AKT3: variants seen among roughly 807,000 people sequenced by gnomAD.
The protein encoded by AKT3 is RAC-gamma serine/threonine-protein kinase.
Under a neutral mutation model 65.3 loss-of-function variants are expected in AKT3, and 15 were observed. The observed-to-expected ratio is 0.23, with a 90% CI of 0.15 to 0.35. The LOEUF is 0.35. Among genes scored for constraint, AKT3 ranks in the 10% least tolerant of loss-of-function variants. AKT3 has a pLI of 1.00. For missense variants in AKT3, 243 were observed against 576.5 expected, an observed-to-expected ratio of 0.42 and a Z score of 5.92; for synonymous variants, 206 against 183.8, an observed-to-expected ratio of 1.12 and a Z score of -0.98.
chr1:243,586,691 T>A (rs1396852789), intron 8 of AKT3, among the ~76,000 whole-genome samples: 1 of 152,018 alleles, frequency 6.6e-6, no homozygotes, highest in East Asian at 1.9e-4. Flanking sequence ...CTCATGGACA[T>A]AAATATGGTA....
chr1:243,630,142 G>A (rs867012750), intron 6 of AKT3, among the ~76,000 whole-genome samples: 18 of 152,122 alleles, frequency 1.2e-4, no homozygotes, highest in African/African-American at 4.3e-4. Context: ...TGGAACAGAA[G>A]GTACTGCACC....
chr1:243,798,313 G>A (rs1692159744), intron 2 of AKT3, among the ~76,000 whole-genome samples: 1 of 147,776 alleles, frequency 6.8e-6, no homozygotes, highest in Non-Finnish European at 1.5e-5. Context: ...CTGGACTCAA[G>A]CGATCCTCCC....
At chr1:243,746,927 C>T (rs560178650) in intron 2 of AKT3, among the ~76,000 whole-genome samples, 47 of 152,196 alleles carry the variant, frequency 3.1e-4, no homozygotes, top group Middle Eastern at 3.4e-3. Flanking sequence ...AGGAAAGGAA[C>T]AACTGCAAGC....
intron 10 of AKT3, among the ~76,000 whole-genome samples, chr1:243,560,690 T>C (rs1673715176): frequency 6.6e-6 from 1 of 152,172 alleles, no homozygotes; most frequent in South Asian, 2.1e-4. Flanking sequence ...AAAGAGAAAC[T>C]GATAATTTTG....
chr1:243,492,099 G>T (rs557549154), intron 13 of AKT3, among the ~76,000 whole-genome samples: 1 of 151,994 alleles, frequency 6.6e-6, no homozygotes, highest in Non-Finnish European at 1.5e-5. Flanking sequence ...CTGTTGGCAG[G>T]CTTCATTATT....
chr1:243,659,749 T>A (rs576873188), intron 4 of AKT3, among the ~76,000 whole-genome samples: 1 of 152,164 alleles, frequency 6.6e-6, no homozygotes, highest in South Asian at 2.1e-4. Context: ...GTGAGAGATA[T>A]ACAGATTTAG....
intron 8 of AKT3, among the ~76,000 whole-genome samples, chr1:243,580,255 C>CA (rs1553408404): frequency 6.6e-6 from 1 of 152,140 alleles, no homozygotes; most frequent in Non-Finnish European, 1.5e-5. Flanking sequence ...AGTGAAGCCC[C>CA]AGTGCATGAG....
At chr1:243,597,494 C>T (rs1232459145) in intron 8 of AKT3, among the ~76,000 whole-genome samples, 2 of 151,924 alleles carry the variant, frequency 1.3e-5, no homozygotes, top group African/African-American at 2.4e-5. Context: ...GAATACTATG[C>T]ATTTTTGTTT....
intron 2 of AKT3, among the ~76,000 whole-genome samples, chr1:243,839,256 A>G (rs1451577309): frequency 2.0e-5 from 3 of 152,192 alleles, no homozygotes; most frequent in East Asian, 1.9e-4. Context: ...ACCACTAGCT[A>G]TAAGGGAAAA....
chr1:243,847,286 CTTTTT>C (rs1296498303), intron 1 of AKT3, among the ~76,000 whole-genome samples: 1 of 152,052 alleles, frequency 6.6e-6, no homozygotes, highest in Non-Finnish European at 1.5e-5. Context: ...TTAAATTTTT[CTTTTT>C]AACACTTCAA....
At chr1:243,679,264 G>T (rs1359786721) in intron 3 of AKT3, among the ~76,000 whole-genome samples, 1 of 152,164 alleles carries the variant, frequency 6.6e-6, no homozygotes, top group Non-Finnish European at 1.5e-5. Context: ...GGAGTCAAAA[G>T]TTAGAACAAG....
chr1:243,809,068 T>G (rs1331581090), intron 2 of AKT3, among the ~76,000 whole-genome samples: 1 of 152,180 alleles, frequency 6.6e-6, no homozygotes, highest in Non-Finnish European at 1.5e-5. Context: ...TACCAGCCAC[T>G]GCAAAAACAT....
At chr1:243,624,513 G>A (rs1462286923) in intron 6 of AKT3, among the ~76,000 whole-genome samples, 1 of 152,024 alleles carries the variant, frequency 6.6e-6, no homozygotes, top group East Asian at 1.9e-4. Flanking sequence ...CTAACTGCTT[G>A]GAATAACAAA....
In AKT3 at chr1:243,615,547, T is replaced by C. The variant is rs867143359; in HGVS notation, c.562-386A>G. Among the ~76,000 whole-genome samples the C allele has an allele frequency of 2.6e-5, 4 of 152,318 alleles. No individual in the cohort carries two copies. In the South Asian group the frequency reaches 6.2e-4, roughly 24 times the overall value. ...ATATCTCCATGTTTGTAATACATTT[T>C]ATTCAGGGGGATGAAAGGATATATT... On this transcript the variant is annotated intron_variant, in intron 6 of 13. Transcript: ENST00000673466.
chr1:243,527,448 TC>T (rs1386425301), intron 12 of AKT3, among the ~76,000 whole-genome samples: 1 of 152,182 alleles, frequency 6.6e-6, no homozygotes, highest in Non-Finnish European at 1.5e-5. Context: ...TTAAATCTTT[TC>T]TAAGTTGTGC....
intron 3 of AKT3, chr1:243,687,957 G>C (rs1239757252): frequency 6.6e-6 from 1 of 151,870 alleles, no homozygotes; most frequent in Non-Finnish European, 1.5e-5. Flanking sequence ...CCTTACAGTG[G>C]GATACACCTG....
chr1:243,505,644 A>G (rs1409572226), intron 13 of AKT3, among the ~76,000 whole-genome samples: 2 of 152,238 alleles, frequency 1.3e-5, no homozygotes, highest in East Asian at 1.9e-4. Flanking sequence ...AGTCTTCAGT[A>G]ACCTTTCATT....
chr1:243,741,798 G>A (rs549582669), intron 2 of AKT3: 1 of 152,230 alleles, frequency 6.6e-6, no homozygotes, highest in Admixed American at 6.5e-5. Context: ...ACTTTTGGTT[G>A]CTGGGAATTC....
At chr1:243,713,592 A>G (rs772962877) in intron 2 of AKT3, among the ~76,000 whole-genome samples, 11 of 151,850 alleles carry the variant, frequency 7.2e-5, no homozygotes, top group Non-Finnish European at 1.3e-4. Context: ...TCTTCTCCCT[A>G]TCTGGCAGAT....
Sources: gnomAD v4.1 joint callset for allele counts (sites outside exome capture counted in the v4.1 genomes callset) on GRCh38, gnomAD v4.1.1 for gene constraint, MANE v1.5 for transcripts, NCBI Gene and HGNC (gene_info 2026-07-23, HGNC 2026-07-21) for gene names.